The following ILDR2 variants were observed in gnomAD, a reference collection of about 807,000 sequenced individuals.
ILDR2 encodes the protein immunoglobulin like domain containing receptor 2, also known as immunoglobulin-like domain-containing receptor 2.
ILDR2 carries 25 observed loss-of-function variants against 66.8 expected under a neutral mutation model. The ratio of observed to expected loss-of-function variants is 0.37; its 90% CI spans 0.27 to 0.52. The LOEUF is 0.52. Among genes scored for constraint, ILDR2 ranks in the 20% least tolerant of loss-of-function variants. ILDR2 has a pLI of 0.88. For missense variants in ILDR2, 827 were observed against 876.8 expected (o/e 0.94, Z 0.72); for synonymous variants, 367 against 357.2 (o/e 1.03, Z -0.31).
At chr1:166,948,051 C>T (rs1403962874) in intron 3 of ILDR2, among the ~76,000 whole-genome samples, 2 of 152,150 alleles carry the variant, frequency 1.3e-5, no homozygotes. Context: ...CACCTCTTTG[C>T]TGGGCCCCTC....
intron 1 of ILDR2, among the ~76,000 whole-genome samples, chr1:166,958,415 G>C (rs1485031557): frequency 6.6e-6 from 1 of 152,088 alleles, no homozygotes; most frequent in Non-Finnish European, 1.5e-5. Flanking sequence ...CACGAGATCT[G>C]ATGGTTTAAA....
rs74119514 is a variant in ILDR2 at position 166,925,351 on chromosome 1, A to G, written c.994+1716T>C. On this transcript the variant is annotated intron_variant, in intron 7 of 9. Coordinates refer to ENST00000271417, the MANE Select transcript of ILDR2 (RefSeq NM_199351.3). ...CAGTATTCCTACTTTATCTCTATGC[A>G]GTTGTTATAATATTAACTTGCAGGT... Among the ~76,000 whole-genome samples the G allele has an allele frequency of 5.8e-3, 881 of 152,320 alleles. 7 individuals carry two copies. The highest frequency in any genetic ancestry group is 0.02 in the African/African-American group (846 of 41,570).
rs1571100845 is a variant in ILDR2 at position 166,920,839 on chromosome 1, C to G, written c.1752G>C (p.Glu584Asp). ...YKAGSSQDDQ[E>D]DASDDALPPY... ...GCGGCAGCGCGTCGTCGGACGCGTC[C>G]TCCTGGTCGTCCTGCGACGAGCCGG... Residue 584 changes from glutamate to aspartate, a missense_variant, in exon 9 of 10, where the codon GAG (glutamate) becomes GAC (aspartate). Physicochemically the swap from Glu to Asp is conservative, Grantham distance 45. This residue lies in a region of ILDR2 where 390 missense variants were observed against 353.6 expected (regional missense o/e 1.10). Coordinates refer to ENST00000271417, the MANE Select transcript of ILDR2 (RefSeq NM_199351.3). 1 of 1,516,674 alleles carries G rather than the reference C, an allele frequency of 6.6e-7. No individual in the cohort carries two copies. Among genetic ancestry groups the G allele is most frequent in the Non-Finnish European group, 8.8e-7 (1 of 1,136,094 alleles). The allele number at this position is 1,516,674 out of a possible 1,614,324, so 94.0% of individuals were successfully genotyped here.
At chr1:166,948,976 C>A (rs1245732709) in intron 3 of ILDR2, among the ~76,000 whole-genome samples, 1 of 152,238 alleles carries the variant, frequency 6.6e-6, no homozygotes, top group African/African-American at 2.4e-5. Flanking sequence ...TGCTCATAGA[C>A]GTTGACTTGT....
chr1:166,950,351 T>C (rs1300484711), intron 3 of ILDR2, among the ~76,000 whole-genome samples: 2 of 152,132 alleles, frequency 1.3e-5, no homozygotes, highest in Non-Finnish European at 2.9e-5. Flanking sequence ...GCTGAGGCCC[T>C]TTTAATCGTC....
downstream of ILDR2, among the ~76,000 whole-genome samples, chr1:166,903,743 A>G (rs1659298438): frequency 6.6e-6 from 1 of 152,128 alleles, no homozygotes; most frequent in South Asian, 2.1e-4. Flanking sequence ...CTAATTTTGA[A>G]CCATGATGGC....
intron 3 of ILDR2, among the ~76,000 whole-genome samples, chr1:166,942,095 A>C (rs927196689): frequency 6.6e-6 from 1 of 152,216 alleles, no homozygotes; most frequent in Non-Finnish European, 1.5e-5. Flanking sequence ...GAAGGGGTTG[A>C]ATGGAGTAGT....
intron 4 of ILDR2, among the ~76,000 whole-genome samples, chr1:166,938,378 G>A (rs1181920734): frequency 6.6e-6 from 1 of 152,156 alleles, no homozygotes; most frequent in Non-Finnish European, 1.5e-5. Flanking sequence ...TAGCCATATG[G>A]GGCCAGATAT....
chr1:166,947,771 C>T (rs1323656515), intron 3 of ILDR2, among the ~76,000 whole-genome samples: 1 of 152,144 alleles, frequency 6.6e-6, no homozygotes, highest in African/African-American at 2.4e-5. Context: ...TAACCGCGGG[C>T]CGCCAGGAAT....
At chr1:166,907,688 G>GT (rs572735905), downstream of ILDR2, among the ~76,000 whole-genome samples, 6 of 151,948 alleles carry the variant, frequency 3.9e-5, no homozygotes, top group African/African-American at 1.4e-4. Context: ...AAGCAATTAA[G>GT]TTTTTTTTAA....
rs1659453214 is a variant in ILDR2, at chr1:166,910,621, C to G, written c.*8734G>C. The G allele has an allele frequency of 6.6e-6, 1 of 152,188 alleles. No homozygotes were observed. Among genetic ancestry groups the G allele is most frequent in the South Asian group, 2.1e-4 (1 of 4,830 alleles). 9.4% of individuals were successfully genotyped at this position (152,188 alleles called of 1,614,324 possible). ...AGCAACTTCCTAGCTACTTCTACAC[C>G]TCATGCCATTTTTGGTGAGTCATCT... On this transcript the variant is annotated 3_prime_UTR_variant, in exon 10 of 10. Transcript: ENST00000271417.
At chr1:166,924,749 T>C (rs532003104) in intron 7 of ILDR2, among the ~76,000 whole-genome samples, 63 of 152,308 alleles carry the variant, frequency 4.1e-4, no homozygotes, top group South Asian at 3.5e-3. Context: ...GCACGGTAGC[T>C]CATGCCCATA....
At position 166,920,771 on chromosome 1, in the gene ILDR2, C is replaced by T; in HGVS notation, c.1820G>A (p.Gly607Asp). The change falls in exon 9 of 10, where the codon GGC (glycine) becomes GAC (aspartate). Residue 607 changes from glycine (G) to aspartate (D), a missense_variant. By Grantham distance (94) the Gly-to-Asp change is moderately conservative. Around this residue, in one of 2 missense-constraint regions of ILDR2, gnomAD observed 390 missense variants for 353.6 expected, o/e 1.10. Transcript: ENST00000271417. The part of the protein sequence containing the change: ...LELTRGPSYR[G>D]RDLPYHSNSE... ...GTTGCTGTGGTAGGGCAGGTCGCGG[C>T]CGCGGTAGGACGGGCCGCGGGTCAG... 1 of 1,495,480 alleles carries T rather than the reference C, an allele frequency of 6.7e-7. No individual in the cohort carries two copies. Among genetic ancestry groups the T allele is most frequent in the South Asian group, 1.3e-5 (1 of 77,368 alleles). The allele number at this position is 1,495,480 out of a possible 1,614,324, so 92.6% of individuals were successfully genotyped here.
At position 166,918,727 on chromosome 1, in the gene ILDR2, C is replaced by T. The variant is rs1257604616; in HGVS notation, c.*628G>A. The T allele has an allele frequency of 6.5e-6, 1 of 153,078 alleles. No individual in the cohort carries two copies. Among genetic ancestry groups the T allele is most frequent in the African/African-American group, 2.4e-5 (1 of 41,480 alleles). The allele number at this position is 153,078 out of a possible 1,614,324, so 9.5% of individuals were successfully genotyped here. The stretch of plus-strand genomic sequence containing the variant: ...AAGGTATACTCGCTTTTGCTTTGTC[C>T]TAGCCACTTAAGAATTGTCATTCAG... On this transcript the variant is annotated 3_prime_UTR_variant, in exon 10 of 10. Coordinates refer to ENST00000271417, the MANE Select transcript of ILDR2 (RefSeq NM_199351.3).
At chr1:166,930,321 G>A (rs1660559782) in intron 6 of ILDR2, among the ~76,000 whole-genome samples, 1 of 152,130 alleles carries the variant, frequency 6.6e-6, no homozygotes, top group Non-Finnish European at 1.5e-5. Context: ...CTTCAGTGCT[G>A]GCATTATAAA....
chr1:166,975,356 C>A lies in ILDR2; in HGVS notation c.-88G>T, dbSNP rs1284245423. ...ATCGCTGTCACCCCGCGGCAGCGGG[C>A]GGCGGCGGAGCGGCGGGCACCGGGC... On this transcript the variant is annotated 5_prime_UTR_variant, in exon 1 of 10. Transcript: ENST00000271417. The A allele has an allele frequency of 9.8e-6, 12 of 1,229,810 alleles. No homozygotes were observed. The highest frequency in any genetic ancestry group is 1.3e-5 in the Non-Finnish European group (12 of 901,906). The allele number at this position is 1,229,810 out of a possible 1,614,324, so 76.2% of individuals were successfully genotyped here.
chr1:166,941,212 A>G (rs1230590896), intron 3 of ILDR2, among the ~76,000 whole-genome samples: 1 of 152,200 alleles, frequency 6.6e-6, no homozygotes, highest in Non-Finnish European at 1.5e-5. Context: ...TGGCCTTGGC[A>G]AATACAGCTT....
At chr1:166,965,570 G>GTTTTTTTTTTTTTTTTT (rs535388259) in intron 1 of ILDR2, among the ~76,000 whole-genome samples, 1 of 127,404 alleles carries the variant, frequency 7.8e-6, no homozygotes. Flanking sequence ...GTTAGGTTTT[G>GTTTTTTTTTTTTTTTTT]TTTTTTTTTT....
In ILDR2 at chr1:166,913,489, A is replaced by G. The variant is rs555394149; in HGVS notation, c.*5866T>C. ...GGCTTTTCCTTAAAGCCAAGGTAAA[A>G]GAGAAGCTATCTGTGTCTCTTTTAG... On this transcript the variant is annotated 3_prime_UTR_variant, in exon 10 of 10. Transcript: ENST00000271417. 4 of 152,302 alleles carry G rather than the reference A, an allele frequency of 2.6e-5. No homozygotes were observed. The highest frequency in any genetic ancestry group is 9.6e-5 in the African/African-American group (4 of 41,562). The allele number at this position is 152,302 out of a possible 1,614,324, so 9.4% of individuals were successfully genotyped here. A position where few individuals can be genotyped will look rare whatever the true frequency, so the allele number is the denominator to read the frequency against.
Sources: allele counts gnomAD v4.1 joint callset (sites outside exome capture counted in the v4.1 genomes callset), GRCh38; gene constraint gnomAD v4.1.1; regional missense constraint gnomAD v4.1.1; transcripts MANE v1.5; gene names NCBI Gene and HGNC (gene_info 2026-07-23, HGNC 2026-07-21).